The following RBM25 variants were observed in gnomAD, a reference collection of about 807,000 sequenced individuals.
RBM25 encodes the protein RNA-binding protein 25.
In RBM25, 19 loss-of-function variants were observed where a neutral mutation model predicts 120.7. The observed-to-expected ratio is 0.16, with a 90% CI of 0.11 to 0.23. The LOEUF (loss-of-function observed/expected upper bound fraction) is 0.23. RBM25 is among the 10% of genes least tolerant of loss of function. The probability of loss-of-function intolerance (pLI) is 1.00; values close to 1 mark genes in which losing one functional copy is unlikely to be tolerated. For synonymous variants in RBM25, 390 were observed against 326.7 expected (o/e 1.19, Z -2.09); for missense variants, 605 against 1,041.5 (o/e 0.58, Z 5.77).
At chr14:73,090,195 C>CA (rs1895780040) in intron 6 of RBM25, among the ~76,000 whole-genome samples, 1 of 151,984 alleles carries the variant, frequency 6.6e-6, no homozygotes, top group Non-Finnish European at 1.5e-5. Context: ...AGATTTTAGG[C>CA]ACCCGCCACC....
At chr14:73,065,401 T>C (rs1479428361) in intron 1 of RBM25, among the ~76,000 whole-genome samples, 1 of 151,470 alleles carries the variant, frequency 6.6e-6, no homozygotes, top group East Asian at 1.9e-4. Context: ...GTGCTGGGAT[T>C]ACAGGGGTGA....
intron 14 of RBM25, among the ~76,000 whole-genome samples, chr14:73,109,725 G>A (rs994825194): frequency 3.9e-5 from 6 of 151,934 alleles, no homozygotes; most frequent in South Asian, 2.1e-4. Context: ...CCCGGGAGGC[G>A]GAGCTTGCAG....
chr14:73,103,050 T>C, intron 9 of RBM25, 142 bp from the exon 10 acceptor site: 1 of 1,486,044 alleles, frequency 6.7e-7, no homozygotes, highest in East Asian at 2.3e-5. Context: ...TCAGTTTAAT[T>C]TGTCACATAA....
chr14:73,076,727 A>G (rs899314446), intron 3 of RBM25, among the ~76,000 whole-genome samples: 1 of 152,238 alleles, frequency 6.6e-6, no homozygotes, highest in Admixed American at 6.5e-5. Context: ...TTAAAAGAAC[A>G]TAGGAATCCT....
chr14:73,088,484 A>G (rs1895739576), intron 6 of RBM25: 1 of 462,062 alleles, frequency 2.2e-6, no homozygotes, highest in African/African-American at 2.0e-5. Flanking sequence ...AGTAAGTACA[A>G]AATATATTTC....
In RBM25 at chr14:73,121,957, A is replaced by T. The variant is rs952216610; in HGVS notation, c.*2152A>T. On this transcript the variant is annotated 3_prime_UTR_variant, in exon 19 of 19. Transcript: ENST00000261973. ...GCAGCAGAGTGAAAATTGTTACAGT[A>T]AATGTGGTAGAAACTGTTAATCGCT... is the stretch of plus-strand genomic sequence containing the variant. The T allele has an allele frequency of 6.6e-6, 1 of 152,220 alleles. No homozygotes were observed. The allele number at this position is 152,220 out of a possible 1,614,324, so 9.4% of individuals were successfully genotyped here. A position where few individuals can be genotyped will look rare whatever the true frequency, so the allele number is the denominator to read the frequency against.
intron 18 of RBM25, among the ~76,000 whole-genome samples, chr14:73,114,993 C>A (rs362415): frequency 6.6e-6 from 1 of 152,152 alleles, no homozygotes; most frequent in Non-Finnish European, 1.5e-5. Context: ...GAACAAATGA[C>A]CTGTAGTAGC....
chr14:73,115,056 T>C (rs1896396114), intron 18 of RBM25, among the ~76,000 whole-genome samples: 1 of 152,054 alleles, frequency 6.6e-6, no homozygotes, highest in Non-Finnish European at 1.5e-5. Flanking sequence ...TTGAATTAGA[T>C]ATGTAGAAAG....
At chr14:73,075,395 G>A (rs766123128) in intron 2 of RBM25, among the ~76,000 whole-genome samples, 11 of 152,098 alleles carry the variant, frequency 7.2e-5, no homozygotes, top group Non-Finnish European at 1.3e-4. Flanking sequence ...CTGACCTCAG[G>A]TGATTTACCC....
At chr14:73,109,899 T>A (rs1365355969) in intron 14 of RBM25, among the ~76,000 whole-genome samples, 1 of 152,002 alleles carries the variant, frequency 6.6e-6, no homozygotes, top group East Asian at 1.9e-4. Flanking sequence ...TTATTTATTT[T>A]TTTGAGATGG....
intron 6 of RBM25, among the ~76,000 whole-genome samples, chr14:73,093,888 GAAAC>G (rs1221173950): frequency 6.6e-6 from 1 of 151,040 alleles, no homozygotes; most frequent in East Asian, 1.9e-4. Flanking sequence ...AGCTTTAGAT[GAAAC>G]TTGCCAGTCT....
At chr14:73,089,934 C>A (rs980905438) in intron 6 of RBM25, among the ~76,000 whole-genome samples, 16 of 151,990 alleles carry the variant, frequency 1.1e-4, no homozygotes, top group Non-Finnish European at 2.4e-4. Flanking sequence ...ACGTGTGAGC[C>A]ACTCCACCCG....
intron 4 of RBM25, among the ~76,000 whole-genome samples, chr14:73,078,794 A>C (rs1895486367): frequency 6.6e-6 from 1 of 152,004 alleles, no homozygotes; most frequent in African/African-American, 2.4e-5. Context: ...TTTAGAGACA[A>C]GGTTTCATCA....
chr14:73,058,545 A>C lies in RBM25; in HGVS notation c.-176A>C, dbSNP rs897875095. The C allele has an allele frequency of 3.3e-5, 5 of 152,158 alleles. No individual in the cohort carries two copies. Among genetic ancestry groups the C allele is most frequent in the African/African-American group, 1.2e-4 (5 of 41,434 alleles). 9.4% of individuals were successfully genotyped at this position (152,158 alleles called of 1,614,324 possible). On this transcript the variant is annotated 5_prime_UTR_variant, in exon 1 of 19. Transcript: ENST00000261973. ...GCCGGGCAAGAGGAAGACCTCCATC[A>C]GCTCGCCGCGCAGCGCGGCTGTATT...
In RBM25 at chr14:73,105,905, AGAGAGAGAGAAC is replaced by A. The variant is rs1435976530; in HGVS notation, c.1207_1218del (p.Arg423_Glu426del). On this transcript the variant is annotated inframe_deletion, in exon 11 of 19. Coordinates refer to ENST00000261973, the MANE Select transcript of RBM25 (RefSeq NM_021239.3). Reference sequence around the variant, plus strand: ...AAGGGAACGAGAGCGGGAAAGAGAGAGAGAGAGAGAACGAGAGCGAGAACGAGAACGGGAGCG... The same window carrying A: ...AAGGGAACGAGAGCGGGAAAGAGAGAGAGAGCGAGAACGAGAACGGGAGCG... 6.2e-7 allele frequency: 1 copy of A among 1,612,896 alleles called. No homozygotes were observed. The highest frequency in any genetic ancestry group is 8.5e-7 in the Non-Finnish European group (1 of 1,179,326).
At chr14:73,119,665 T>G (rs1330321860) in intron 18 of RBM25, 48 bp from the exon 19 acceptor site, 1 of 1,604,878 alleles carries the variant, frequency 6.2e-7, no homozygotes, top group African/African-American at 1.3e-5. Flanking sequence ...TTGGCAGATG[T>G]TGATGATTGC....
Position 73,076,304 on chromosome 14 carries a change from TTTTTC to T in RBM25, c.107-7_107-3del. 1.2e-6 allele frequency: 2 copies of T among 1,605,858 alleles called. No individual in the cohort carries two copies. Among genetic ancestry groups the T allele is most frequent in the East Asian group, 2.2e-5 (1 of 44,796 alleles). On this transcript the variant is annotated splice_polypyrimidine_tract_variant and intron_variant, in intron 2 of 18. Transcript: ENST00000261973. ...ATGCAGTCATGTAAAATCAGTGTGG[TTTTTC>T]TTTTCTTAGGGACCCCAATGATTCC...
rs1385676926 is a variant in RBM25, at chr14:73,111,417, TTC to T, written c.2018-107_2018-106del. 3 of 1,239,678 alleles carry T rather than the reference TTC, an allele frequency of 2.4e-6. No individual in the cohort carries two copies. The African/African-American group carries it at 4.5e-5, about 19-fold the overall frequency. The allele number at this position is 1,239,678 out of a possible 1,614,324, so 76.8% of individuals were successfully genotyped here. ...GAGTTATTTTTTACAGTTGGGATCT[TTC>T]TCTAAGATTTGTGGAAGTATATTTT... On this transcript the variant is annotated intron_variant, in intron 15 of 18. Transcript: ENST00000261973.
chr14:73,117,205 C>CTTTTATT (rs1896448964), intron 18 of RBM25, among the ~76,000 whole-genome samples: 14 of 36,558 alleles, frequency 3.8e-4, no homozygotes, highest in African/African-American at 1.3e-3. Context: ...TTTCTTTCTT[C>CTTTTATT]TTTTCTTTTT....
Sources: allele counts gnomAD v4.1 joint callset (sites outside exome capture counted in the v4.1 genomes callset), GRCh38; gene constraint gnomAD v4.1.1; transcripts MANE v1.5; gene names NCBI Gene and HGNC (gene_info 2026-07-23, HGNC 2026-07-21).